The following ADGRL3 variants were observed in gnomAD, a reference collection of about 807,000 sequenced individuals.
The protein encoded by ADGRL3 is adhesion G protein-coupled receptor L3.
In ADGRL3, 62 loss-of-function variants were observed where a neutral mutation model predicts 153.5. That is an observed-to-expected ratio of 0.40 (90% CI 0.33 to 0.50). ADGRL3 has a LOEUF of 0.50. ADGRL3 is among the 20% of genes least tolerant of loss of function. The pLI is 0.47. For missense variants in ADGRL3, 1,641 were observed against 1,859.4 expected, an observed-to-expected ratio of 0.88 and a Z score of 2.16; for synonymous variants, 710 against 672.5, an observed-to-expected ratio of 1.06 and a Z score of -0.86.
chr4:61,346,404 C>T (rs1039397074), intron 1 of ADGRL3, among the ~76,000 whole-genome samples: 3 of 151,342 alleles, frequency 2.0e-5, no homozygotes, highest in African/African-American at 7.3e-5. Context: ...TAACATTGGG[C>T]ATCACTTTAG....
At chr4:61,382,962 C>T (rs932007555) in intron 1 of ADGRL3, among the ~76,000 whole-genome samples, 162 bp from the exon 2 acceptor site, 3 of 151,820 alleles carry the variant, frequency 2.0e-5, no homozygotes, top group Non-Finnish European at 4.4e-5. Flanking sequence ...TCCTAAATTT[C>T]CTCTACATAC....
chr4:61,504,665 A>G (rs1019542692), intron 3 of ADGRL3, among the ~76,000 whole-genome samples: 18 of 151,872 alleles, frequency 1.2e-4, no homozygotes, highest in Non-Finnish European at 1.8e-4. Context: ...CTCTCCACTA[A>G]TCTTCCCATC....
chr4:61,254,804 G>A (rs2091801881), intron 1 of ADGRL3, among the ~76,000 whole-genome samples: 4 of 152,184 alleles, frequency 2.6e-5, no homozygotes, highest in South Asian at 4.1e-4. Context: ...CTGCACACTC[G>A]AAACTTAGTT....
chr4:61,460,716 C>T (rs922120570), intron 2 of ADGRL3, among the ~76,000 whole-genome samples: 2 of 152,068 alleles, frequency 1.3e-5, no homozygotes, highest in Non-Finnish European at 2.9e-5. Context: ...AGGAGAAAGG[C>T]ATATCTTTCA....
chr4:61,502,923 T>C (rs1022822076), intron 3 of ADGRL3, among the ~76,000 whole-genome samples: 1 of 152,172 alleles, frequency 6.6e-6, no homozygotes, highest in African/African-American at 2.4e-5. Context: ...CCAACCTAGG[T>C]AATTTGTAAT....
At chr4:61,957,515 A>G (rs1191351369) in intron 17 of ADGRL3, among the ~76,000 whole-genome samples, 1 of 151,392 alleles carries the variant, frequency 6.6e-6, no homozygotes, top group Non-Finnish European at 1.5e-5. Context: ...TATTAATTTA[A>G]TGGTACATTT....
At chr4:61,950,754 T>G (rs934137138) in intron 17 of ADGRL3, among the ~76,000 whole-genome samples, 1 of 152,170 alleles carries the variant, frequency 6.6e-6, no homozygotes, top group Non-Finnish European at 1.5e-5. Flanking sequence ...GCTGGCAAGC[T>G]CTGATTGGTG....
intron 21 of ADGRL3, among the ~76,000 whole-genome samples, chr4:62,024,929 CAA>C (rs34456988): frequency 7.6e-5 from 9 of 118,446 alleles, no homozygotes; most frequent in African/African-American, 1.7e-4. Flanking sequence ...GACTCCGTCT[CAA>C]AAAAAAAAAA....
At chr4:61,725,383 C>T (rs2096311590) in intron 6 of ADGRL3, among the ~76,000 whole-genome samples, 2 of 151,830 alleles carry the variant, frequency 1.3e-5, no homozygotes, top group African/African-American at 2.4e-5. Flanking sequence ...GAGGCTGAGA[C>T]GGGCAAATCA....
chr4:61,958,132 G>A lies in ADGRL3; in HGVS notation c.2805+9856G>A, dbSNP rs534371350. ...TTATATTATAATCATCTCTTGAAAC[G>A]TATTTATCTTCTCTAGACTGTGACT... On this transcript the variant is annotated intron_variant, in intron 17 of 26. Coordinates refer to ENST00000683033, the MANE Select transcript of ADGRL3 (RefSeq NM_001387552.1). 8.1e-4 allele frequency among the ~76,000 whole-genome samples: 124 copies of A among 152,184 alleles called. 1 individual carries two copies. Among genetic ancestry groups the A allele is most frequent in the South Asian group, 1.7e-3 (8 of 4,830 alleles).
At chr4:61,254,561 C>G (rs1054782248) in intron 1 of ADGRL3, among the ~76,000 whole-genome samples, 4 of 152,154 alleles carry the variant, frequency 2.6e-5, no homozygotes, top group African/African-American at 9.7e-5. Context: ...GCTAGATATT[C>G]TGTTGTGAAT....
chr4:61,872,534 AT>A (rs970371657), intron 9 of ADGRL3, among the ~76,000 whole-genome samples: 1 of 151,448 alleles, frequency 6.6e-6, no homozygotes, highest in African/African-American at 2.4e-5. Context: ...AAGATATATA[AT>A]TTGTAGGATT....
intron 2 of ADGRL3, among the ~76,000 whole-genome samples, chr4:61,422,415 G>A (rs1314505280): frequency 6.6e-6 from 1 of 152,010 alleles, no homozygotes; most frequent in Non-Finnish European, 1.5e-5. Flanking sequence ...TATGCCACTA[G>A]CATGCTTGTG....
intron 5 of ADGRL3, among the ~76,000 whole-genome samples, chr4:61,665,789 A>G (rs532242749): frequency 1.4e-3 from 218 of 152,298 alleles, no homozygotes; most frequent in Non-Finnish European, 2.5e-3. Flanking sequence ...AGGATACAGG[A>G]TTGAGATGAG....
intron 1 of ADGRL3, among the ~76,000 whole-genome samples, chr4:61,306,366 G>A (rs1466220409): frequency 6.6e-6 from 1 of 152,068 alleles, no homozygotes; most frequent in Non-Finnish European, 1.5e-5. Context: ...CCAAAGTGCA[G>A]GGATTACAGG....
intron 6 of ADGRL3, among the ~76,000 whole-genome samples, chr4:61,722,022 G>A (rs2096251851): frequency 6.6e-6 from 1 of 151,988 alleles, no homozygotes. Context: ...CTAAAGATTT[G>A]GATATCATTT....
intron 19 of ADGRL3, among the ~76,000 whole-genome samples, chr4:61,983,979 G>A (rs1212148181): frequency 6.6e-6 from 1 of 152,138 alleles, no homozygotes; most frequent in Non-Finnish European, 1.5e-5. Context: ...TTCCTGCCAA[G>A]TCCGTTCAAG....
intron 9 of ADGRL3, among the ~76,000 whole-genome samples, chr4:61,828,117 A>G (rs1261454257): frequency 6.6e-6 from 1 of 152,234 alleles, no homozygotes; most frequent in Non-Finnish European, 1.5e-5. Flanking sequence ...AAGTGAATAA[A>G]TGAAGCCAGG....
At chr4:61,474,374 C>A (rs964552661) in intron 2 of ADGRL3, among the ~76,000 whole-genome samples, 25 of 152,210 alleles carry the variant, frequency 1.6e-4, no homozygotes, top group African/African-American at 5.8e-4. Flanking sequence ...TGCCTCCCTA[C>A]CTTGTGAGGA....
Sources: gnomAD v4.1 joint callset for allele counts (sites outside exome capture counted in the v4.1 genomes callset) on GRCh38, gnomAD v4.1.1 for gene constraint, MANE v1.5 for transcripts, NCBI Gene and HGNC (gene_info 2026-07-23, HGNC 2026-07-21) for gene names.